ASRGL1: variants seen among roughly 807,000 people sequenced by gnomAD.
The protein encoded by ASRGL1 is isoaspartyl peptidase/L-asparaginase.
In ASRGL1, 16 loss-of-function variants were observed where a neutral mutation model predicts 22.4. That is an observed-to-expected ratio of 0.71 (90% CI 0.48 to 1.08). The LOEUF (loss-of-function observed/expected upper bound fraction) is 1.08. Ranked by LOEUF, ASRGL1 falls within the 50% of genes least tolerant of loss-of-function variation. The pLI, the probability that ASRGL1 is intolerant of heterozygous loss-of-function variation, is 0.00. For synonymous variants in ASRGL1, 165 were observed against 159.3 expected, an observed-to-expected ratio of 1.04 and a Z score of -0.27; for missense variants, 412 against 410.1, an observed-to-expected ratio of 1.00 and a Z score of -0.04.
chr11:62,372,502 G>T, intron 4 of ASRGL1: 1 of 1,198,784 alleles, frequency 8.3e-7, no homozygotes, highest in Non-Finnish European at 1.2e-6. Flanking sequence ...CATTGCCCGG[G>T]CACAGCAGAT....
intron 4 of ASRGL1, among the ~76,000 whole-genome samples, 188 bp from the exon 5 acceptor site, chr11:62,388,945 T>A (rs1423817650): frequency 6.6e-6 from 1 of 151,920 alleles, no homozygotes; most frequent in Non-Finnish European, 1.5e-5. Flanking sequence ...TGTGGAGGAG[T>A]GTCCAGCAAT....
intron 4 of ASRGL1, among the ~76,000 whole-genome samples, chr11:62,362,723 A>ATATAAAATATATAACATATAT (rs1946503230): frequency 2.8e-5 from 2 of 70,604 alleles, no homozygotes; most frequent in Non-Finnish European, 5.5e-5. Flanking sequence ...ATTATATGTT[A>ATATAAAATATATAACATATAT]TATATAAAAT....
chr11:62,386,439 T>TTATCATAGATATGTACATATTATACA (rs1947203960), intron 4 of ASRGL1, among the ~76,000 whole-genome samples: 1 of 75,794 alleles, frequency 1.3e-5, no homozygotes, highest in East Asian at 4.5e-4. Flanking sequence ...CAATTAAACT[T>TTATCATAGATATGTACATATTATACA]TATCATAGAT....
chr11:62,396,842 GGATCATGTGCAGAACTCAGATAAGT>G (rs1337079870), downstream of ASRGL1, among the ~76,000 whole-genome samples: 1 of 151,916 alleles, frequency 6.6e-6, no homozygotes, highest in Non-Finnish European at 1.5e-5. Context: ...AGCACTTTCT[GGATCATGTGCAGAACTCAGATAAGT>G]GTTAGAGTTC....
At chr11:62,391,462 C>G in intron 5 of ASRGL1, 60 bp from the exon 6 acceptor site, 2 of 1,546,714 alleles carry the variant, frequency 1.3e-6, no homozygotes, top group South Asian at 2.4e-5. Context: ...CGTCCGACTT[C>G]TAATATGGAT....
Position 62,389,190 on chromosome 11 carries a change from A to G in ASRGL1, c.549A>G (p.Ala183=), listed in dbSNP as rs767342569. The G allele has an allele frequency of 7.4e-6, 12 of 1,614,138 alleles. 1 individual carries two copies. The South Asian group carries it at 1.3e-4, about 18-fold the overall frequency. The change falls in exon 5 of 7, where the codon GCA becomes GCG. Residue 183 remains alanine, a synonymous_variant. Transcript: ENST00000415229. ...ALDCKGNVAY[A]TSTGGIVNKM... is the part of the protein sequence containing the mutation. ...ACTGCAAAGGGAATGTAGCCTACGC[A>G]ACCTCCACAGGCGGTATCGTTAATA...
intron 4 of ASRGL1, among the ~76,000 whole-genome samples, chr11:62,364,031 C>T (rs1946548213): frequency 6.6e-6 from 1 of 151,698 alleles, no homozygotes; most frequent in African/African-American, 2.4e-5. Flanking sequence ...TGGCAGTGTG[C>T]ACCTGTAGTC....
chr11:62,397,156 A>C (rs768484000), downstream of ASRGL1, among the ~76,000 whole-genome samples: 1 of 152,038 alleles, frequency 6.6e-6, no homozygotes, highest in Non-Finnish European at 1.5e-5. Flanking sequence ...CAGCCTCCCG[A>C]GTGGCTGGGA....
intron 4 of ASRGL1, among the ~76,000 whole-genome samples, chr11:62,367,230 C>T (rs377763120): frequency 2.6e-4 from 40 of 151,448 alleles, no homozygotes; most frequent in African/African-American, 9.5e-4. Context: ...CCCAGCTGCT[C>T]GGGAGGCTGA....
Position 62,392,568 on chromosome 11 carries a change from CAA to C in ASRGL1, c.*300_*301del, listed in dbSNP as rs5792257. On this transcript the variant is annotated 3_prime_UTR_variant, in exon 7 of 7. Transcript: ENST00000415229. ...TGGGCAACAGAGCCAGGCCCTGTAT[CAA>C]AAAAAAAAAAAAAAAGAAAAGGGAA... 1.8e-3 allele frequency: 532 copies of C among 288,018 alleles called. No individual in the cohort carries two copies. Among genetic ancestry groups the C allele is most frequent in the East Asian group, 4.0e-3 (53 of 13,280 alleles). The allele number at this position is 288,018 out of a possible 1,614,324, so 17.8% of individuals were successfully genotyped here. A position where few individuals can be genotyped will look rare whatever the true frequency, so the allele number is the denominator to read the frequency against.
Position 62,367,947 on chromosome 11 carries a change from TAAAC to T in ASRGL1, c.491+10807_491+10810del, listed in dbSNP as rs1179472164. Among the ~76,000 whole-genome samples, 15 of 152,214 alleles carry T rather than the reference TAAAC, an allele frequency of 9.9e-5. No individual in the cohort carries two copies. In the East Asian group the frequency reaches 2.1e-3, roughly 22 times the overall value. Reference sequence around the variant, plus strand: ...ACAGAGCGAGACTCCGTCTCAAAAATAAACAAATAAAAATAAATTTAAAAATTTT... The same window carrying T: ...ACAGAGCGAGACTCCGTCTCAAAAATAAATAAAAATAAATTTAAAAATTTT... On this transcript the variant is annotated intron_variant, in intron 4 of 6. Coordinates refer to ENST00000415229, the MANE Select transcript of ASRGL1 (RefSeq NM_001083926.2).
At chr11:62,343,918 C>CT (rs34446979) in intron 2 of ASRGL1, among the ~76,000 whole-genome samples, 42,896 of 100,712 alleles carry the variant, frequency 0.43, 10,558 homozygotes, top group Non-Finnish European at 0.51. Context: ...TCATGCATTT[C>CT]TTTTTTTTTT....
intron 2 of ASRGL1, among the ~76,000 whole-genome samples, chr11:62,346,528 A>G (rs1946027447): frequency 6.6e-6 from 1 of 152,206 alleles, no homozygotes; most frequent in Admixed American, 6.5e-5. Context: ...GAAGCCCCTG[A>G]TTCTGTGACG....
At chr11:62,380,845 G>C (rs1022011156) in intron 4 of ASRGL1, among the ~76,000 whole-genome samples, 3 of 152,110 alleles carry the variant, frequency 2.0e-5, no homozygotes, top group African/African-American at 7.2e-5. Flanking sequence ...AGGTGGCATC[G>C]GTACTGGGAA....
intron 4 of ASRGL1, among the ~76,000 whole-genome samples, chr11:62,375,428 T>TTATATATATATATATATA (rs71053051): frequency 2.9e-5 from 2 of 69,018 alleles, no homozygotes; most frequent in African/African-American, 4.2e-5. Flanking sequence ...TTGTCTTACT[T>TTATATATATATATATATA]TATATATATA....
At chr11:62,384,225 C>A (rs1947149673) in intron 4 of ASRGL1, among the ~76,000 whole-genome samples, 1 of 152,012 alleles carries the variant, frequency 6.6e-6, no homozygotes, top group Non-Finnish European at 1.5e-5. Context: ...AAAAAAAAGT[C>A]CGGGCGCAGT....
At chr11:62,343,184 C>T (rs1388702865) in intron 2 of ASRGL1, among the ~76,000 whole-genome samples, 1 of 151,752 alleles carries the variant, frequency 6.6e-6, no homozygotes, top group Non-Finnish European at 1.5e-5. Flanking sequence ...TCAAGACCAG[C>T]CTGGCCAACA....
intron 4 of ASRGL1, among the ~76,000 whole-genome samples, chr11:62,380,270 C>T (rs1368519631): frequency 6.6e-6 from 1 of 152,072 alleles, no homozygotes; most frequent in Non-Finnish European, 1.5e-5. Context: ...TTCCATATGC[C>T]ATCAACTCCA....
chr11:62,392,180 G>A lies in ASRGL1; in HGVS notation c.823G>A (p.Val275Met). The A allele has an allele frequency of 6.2e-7, 1 of 1,614,248 alleles. No individual in the cohort carries two copies. The highest frequency in any genetic ancestry group is 8.5e-7 in the Non-Finnish European group (1 of 1,180,046). ...LIVVSKTGDW[V>M]AKWTSTSMPW... ...CGTGGTTAGCAAAACAGGAGACTGG[G>A]TGGCAAAGTGGACCTCCACCTCCAT... The change falls in exon 7 of 7, where the codon GTG (valine) becomes ATG (methionine). Residue 275 changes from valine to methionine, a missense_variant. Coordinates refer to ENST00000415229, the MANE Select transcript of ASRGL1 (RefSeq NM_001083926.2).
Sources: allele counts gnomAD v4.1 joint callset (sites outside exome capture counted in the v4.1 genomes callset), GRCh38; gene constraint gnomAD v4.1.1; transcripts MANE v1.5; gene names NCBI Gene and HGNC (gene_info 2026-07-23, HGNC 2026-07-21).